The following DMGDH variants were observed in gnomAD, a reference collection of about 807,000 sequenced individuals.
The protein encoded by DMGDH is dimethylglycine dehydrogenase.
A neutral mutation model predicts 95.2 loss-of-function variants in DMGDH; 76 were observed. The ratio of observed to expected loss-of-function variants is 0.80; its 90% CI spans 0.66 to 0.97. The LOEUF is 0.97. DMGDH is among the 50% of genes least tolerant of loss of function. The pLI, the probability that DMGDH is intolerant of heterozygous loss-of-function variation, is 0.00. For synonymous variants in DMGDH, 345 were observed against 377.6 expected (o/e 0.91, Z 1.00); for missense variants, 987 against 1,055.0 (o/e 0.94, Z 0.89).
At chr5:79,049,952 C>G (rs901298648) in intron 5 of DMGDH, among the ~76,000 whole-genome samples, 2 of 151,956 alleles carry the variant, frequency 1.3e-5, no homozygotes, top group Non-Finnish European at 2.9e-5. Flanking sequence ...ACTAAAAATG[C>G]TTTGTTAAAA....
chr5:79,001,880 C>G (rs1328139094), intron 15 of DMGDH, among the ~76,000 whole-genome samples: 1 of 152,158 alleles, frequency 6.6e-6, no homozygotes, highest in Non-Finnish European at 1.5e-5. Context: ...TACTAAATCT[C>G]CAGGGAAATG....
chr5:79,068,013 G>A (rs939133628), intron 1 of DMGDH, among the ~76,000 whole-genome samples: 1 of 152,108 alleles, frequency 6.6e-6, no homozygotes, highest in Non-Finnish European at 1.5e-5. Flanking sequence ...CGCCTCCCAG[G>A]TTCAAGCGAT....
rs747068071 is a variant in DMGDH, at chr5:79,030,039, A to G, written c.1684-5T>C. On this transcript the variant is annotated splice_polypyrimidine_tract_variant and splice_region_variant and intron_variant, in intron 10 of 15. Transcript: ENST00000255189. ...ACTTATATTTGTAAAACCCACCTAC[A>G]TAAAAAAATTAAAAATTACCTTAGG... 5.0e-6 allele frequency: 8 copies of G among 1,610,506 alleles called. No homozygotes were observed. In the Admixed American group the frequency reaches 1.3e-4, roughly 27 times the overall value.
chr5:79,043,633 T>C (rs1227963022), intron 6 of DMGDH, among the ~76,000 whole-genome samples: 1 of 152,210 alleles, frequency 6.6e-6, no homozygotes, highest in African/African-American at 2.4e-5. Flanking sequence ...GCCCCAGTGA[T>C]TTTTTAGCTC....
chr5:79,010,466 A>AT (rs1753630374), intron 14 of DMGDH, among the ~76,000 whole-genome samples: 1 of 152,148 alleles, frequency 6.6e-6, no homozygotes, highest in African/African-American at 2.4e-5. Flanking sequence ...GAAGTCATCA[A>AT]TTTTTTGATT....
At chr5:79,051,648 C>T (rs1754866752) in intron 4 of DMGDH, among the ~76,000 whole-genome samples, 157 bp from the exon 5 acceptor site, 1 of 152,180 alleles carries the variant, frequency 6.6e-6, no homozygotes, top group Non-Finnish European at 1.5e-5. Context: ...GAAAAAGCCA[C>T]CATTCAAGTC....
chr5:79,016,218 C>T (rs1753731254), intron 14 of DMGDH, among the ~76,000 whole-genome samples: 2 of 147,216 alleles, frequency 1.4e-5, no homozygotes, highest in South Asian at 2.1e-4. Flanking sequence ...AGCCTGGAGA[C>T]AGAGTGAGAC....
At chr5:79,069,371 A>C (rs2112686992) in intron 1 of DMGDH, 149 bp downstream of exon 1, 1 of 421,874 alleles carries the variant, frequency 2.4e-6, no homozygotes, top group Non-Finnish European at 4.0e-6. Flanking sequence ...ATACTGTTTC[A>C]CTTTATAATT....
chr5:79,041,248 A>G (rs952750172), intron 7 of DMGDH, among the ~76,000 whole-genome samples: 2 of 152,238 alleles, frequency 1.3e-5, no homozygotes, highest in Admixed American at 1.3e-4. Flanking sequence ...TCCAGCTCCA[A>G]TCAGACCTCA....
intron 1 of DMGDH, among the ~76,000 whole-genome samples, chr5:79,066,168 C>T (rs1027868288): frequency 5.3e-5 from 8 of 152,128 alleles, no homozygotes; most frequent in African/African-American, 1.2e-4. Context: ...CTACTTTTTT[C>T]CAGTCAGAGA....
Position 79,032,790 on chromosome 5 carries a change from T to G in DMGDH, c.1414A>C (p.Ser472Arg). The G allele has an allele frequency of 6.2e-7, 1 of 1,614,240 alleles. No homozygotes were observed. Among genetic ancestry groups the G allele is most frequent in the Non-Finnish European group, 8.5e-7 (1 of 1,180,046 alleles). The change falls in exon 9 of 16, where the codon AGT (serine) becomes CGT (arginine). Residue 472 changes from serine to arginine, a missense_variant. Transcript: ENST00000255189. ...GACTCCAGCCTTTGATAGAGCCCAC[T>G]GACTCGTTGAGTCGGCCTCCCAGCA... The part of the protein sequence containing the change: ...RFAGRPTQRV[S>R]GLYQRLESKC...
At chr5:79,056,184 A>G (rs1231915353) in intron 2 of DMGDH, among the ~76,000 whole-genome samples, 2 of 152,216 alleles carry the variant, frequency 1.3e-5, no homozygotes, top group African/African-American at 2.4e-5. Flanking sequence ...AGCGTTGTAC[A>G]GAGATTCAGA....
At chr5:79,006,758 C>T (rs966391582) in intron 14 of DMGDH, among the ~76,000 whole-genome samples, 1 of 151,998 alleles carries the variant, frequency 6.6e-6, no homozygotes, top group Non-Finnish European at 1.5e-5. Flanking sequence ...GTTCTTTCTG[C>T]ACTTGAAACA....
At chr5:79,013,598 A>G (rs1352480507) in intron 14 of DMGDH, among the ~76,000 whole-genome samples, 1 of 152,236 alleles carries the variant, frequency 6.6e-6, no homozygotes, top group African/African-American at 2.4e-5. Flanking sequence ...ACTGCTATAA[A>G]GAAATGCCTG....
At chr5:78,998,446 G>A (rs1280588513) in intron 15 of DMGDH, 149 bp from the exon 16 acceptor site, 1 of 712,354 alleles carries the variant, frequency 1.4e-6, no homozygotes, top group Non-Finnish European at 2.4e-6. Context: ...AGAGACACAG[G>A]AGGAAAACTT....
intron 2 of DMGDH, among the ~76,000 whole-genome samples, chr5:79,062,199 C>G (rs1006184865): frequency 6.6e-6 from 1 of 151,916 alleles, no homozygotes; most frequent in Non-Finnish European, 1.5e-5. Context: ...TTCTTCTCCT[C>G]CTCCATCATT....
At chr5:79,034,699 A>G (rs402701) in intron 7 of DMGDH, among the ~76,000 whole-genome samples, 74,354 of 152,006 alleles carry the variant, frequency 0.49, 18,737 homozygotes, top group African/African-American at 0.61. Flanking sequence ...GAAAATGTTA[A>G]CTAACTTTTC....
At chr5:79,062,879 G>T (rs1010103636) in intron 2 of DMGDH, among the ~76,000 whole-genome samples, 1 of 152,164 alleles carries the variant, frequency 6.6e-6, no homozygotes, top group Non-Finnish European at 1.5e-5. Context: ...GGATCATGAG[G>T]TCAAGAGATA....
rs993990938 is a variant in DMGDH at position 79,041,564 on chromosome 5, C to T, written c.1193+719G>A. Among the ~76,000 whole-genome samples the T allele has an allele frequency of 2.0e-5, 3 of 152,166 alleles. No homozygotes were observed. In the South Asian group the frequency reaches 6.2e-4, roughly 32 times the overall value. The stretch of plus-strand genomic sequence containing the variant: ...TGAAAAATGCAGCAGACATGTTATA[C>T]ATTTGATATTTTGAATTATCTTTGT... On this transcript the variant is annotated intron_variant, in intron 7 of 15. Transcript: ENST00000255189.
Sources: gnomAD v4.1 joint callset for allele counts (sites outside exome capture counted in the v4.1 genomes callset) on GRCh38, gnomAD v4.1.1 for gene constraint, MANE v1.5 for transcripts, NCBI Gene and HGNC (gene_info 2026-07-23, HGNC 2026-07-21) for gene names.